Variants in AMPH observed in about 807,000 individuals in gnomAD.
AMPH encodes amphiphysin (Stiff-Mann syndrome with breast cancer 128kD autoantigen).
AMPH carries 49 observed loss-of-function variants against 99.1 expected under a neutral mutation model. The ratio of observed to expected loss-of-function variants is 0.49; its 90% CI spans 0.39 to 0.63. The LOEUF is 0.63. AMPH is among the 20% of genes least tolerant of loss of function. The pLI is 0.00. For synonymous variants in AMPH, 314 were observed against 317.3 expected (o/e 0.99, Z 0.11); for missense variants, 759 against 863.4 (o/e 0.88, Z 1.52).
At chr7:38,498,328 G>C (rs141923680) in intron 3 of AMPH, among the ~76,000 whole-genome samples, 189 of 152,250 alleles carry the variant, frequency 1.2e-3, no homozygotes, top group African/African-American at 4.3e-3. Flanking sequence ...CAAAGTAGTT[G>C]GCACAAGCAA....
At chr7:38,477,942 CT>C (rs1788147196) in intron 5 of AMPH, among the ~76,000 whole-genome samples, 1 of 152,074 alleles carries the variant, frequency 6.6e-6, no homozygotes, top group African/African-American at 2.4e-5. Context: ...GGCCCAAGAC[CT>C]GACTCCTACA....
At chr7:38,472,444 G>A (rs951929471) in intron 7 of AMPH, among the ~76,000 whole-genome samples, 1 of 152,078 alleles carries the variant, frequency 6.6e-6, no homozygotes, top group East Asian at 1.9e-4. Flanking sequence ...GGATTTACAA[G>A]CTTAACAACC....
chr7:38,587,949 T>TGTGTGCGC (rs931620644), intron 1 of AMPH, among the ~76,000 whole-genome samples: 12 of 146,086 alleles, frequency 8.2e-5, no homozygotes, highest in African/African-American at 3.1e-4. Context: ...TGTGTGTGTG[T>TGTGTGCGC]GCGCGTGTGT....
intron 1 of AMPH, among the ~76,000 whole-genome samples, chr7:38,605,431 A>G (rs539413596): frequency 6.6e-6 from 1 of 152,306 alleles, no homozygotes; most frequent in East Asian, 1.9e-4. Context: ...AGACTTCTGG[A>G]ACTTTCTAAG....
intron 20 of AMPH, among the ~76,000 whole-genome samples, chr7:38,388,529 T>C (rs1458448911): frequency 1.3e-5 from 2 of 152,120 alleles, no homozygotes; most frequent in Non-Finnish European, 2.9e-5. Context: ...TTAATGATCA[T>C]TATGAAATTT....
At chr7:38,517,169 T>C (rs1789778588) in intron 2 of AMPH, among the ~76,000 whole-genome samples, 1 of 152,128 alleles carries the variant, frequency 6.6e-6, no homozygotes, top group Non-Finnish European at 1.5e-5. Flanking sequence ...TATTTTAAAA[T>C]GTGAGAAGGA....
At chr7:38,416,105 A>ATATATATATATATATATATATATATAT (rs1491053338) in intron 17 of AMPH, among the ~76,000 whole-genome samples, 2 of 40,940 alleles carry the variant, frequency 4.9e-5, no homozygotes, top group Non-Finnish European at 5.2e-5. Context: ...ACATATGAAT[A>ATATATATATATATATATATATATATAT]TATATATATA....
intron 1 of AMPH, among the ~76,000 whole-genome samples, chr7:38,594,729 G>T (rs1792988765): frequency 6.6e-6 from 1 of 151,634 alleles, no homozygotes; most frequent in Non-Finnish European, 1.5e-5. Flanking sequence ...TACATGTATA[G>T]TTTAAAAAAA....
chr7:38,398,635 AG>A (rs1461560902), intron 17 of AMPH, among the ~76,000 whole-genome samples: 1 of 152,214 alleles, frequency 6.6e-6, no homozygotes, highest in Non-Finnish European at 1.5e-5. Context: ...TAACACAAAC[AG>A]GGTGACTACA....
intron 1 of AMPH, among the ~76,000 whole-genome samples, chr7:38,592,695 C>T (rs1265480343): frequency 6.7e-6 from 1 of 149,928 alleles, no homozygotes; most frequent in Non-Finnish European, 1.5e-5. Context: ...CATGCCACTG[C>T]ACTCCAGCCT....
At chr7:38,431,941 CTTGACCATTATTCAAATTA>C (rs1191736642) in intron 13 of AMPH, 6 of 547,662 alleles carry the variant, frequency 1.1e-5, no homozygotes, top group Non-Finnish European at 1.7e-5. Flanking sequence ...GGGCCAAACT[CTTGACCATTATTCAAATTA>C]TTGACCATTA....
Position 38,391,878 on chromosome 7 carries a change from T to G in AMPH, c.1748A>C (p.Glu583Ala), listed in dbSNP as rs1473134719. 6.2e-7 allele frequency: 1 copy of G among 1,612,740 alleles called. No individual in the cohort carries two copies. Among genetic ancestry groups the G allele is most frequent in the East Asian group, 2.2e-5 (1 of 44,852 alleles). ...GATAGGCTTCTGCTCCGTAGCCAGCTCCGGTGTCTCGCTGGTGGGGCCCGG... is the reference window on the plus strand; with the variant it reads ...GATAGGCTTCTGCTCCGTAGCCAGCGCCGGTGTCTCGCTGGTGGGGCCCGG... ...APPGPTSETPELATEQKPIQD... is the reference protein window; with the variant it reads ...APPGPTSETPALATEQKPIQD... The change falls in exon 19 of 21, where the codon GAG (glutamate) becomes GCG (alanine). Residue 583 changes from glutamate to alanine, a missense_variant. This residue lies in a region of AMPH where 554 missense variants were observed against 575.6 expected (regional missense o/e 0.96). Transcript: ENST00000356264.
intron 14 of AMPH, chr7:38,427,821 C>T (rs1464069835): frequency 2.2e-6 from 1 of 448,560 alleles, no homozygotes; most frequent in Non-Finnish European, 4.5e-6. Context: ...GTCTATGCTA[C>T]AGACCAGGGT....
intron 17 of AMPH, among the ~76,000 whole-genome samples, chr7:38,406,731 C>CTCTCTCTCTCTCTCTCTCTCTCTCT (rs1562732477): frequency 1.1e-4 from 9 of 80,582 alleles, no homozygotes; most frequent in East Asian, 8.3e-4. Context: ...TCTCCCTTTC[C>CTCTCTCTCTCTCTCTCTCTCTCTCT]CTCTCTCTCT....
intron 17 of AMPH, among the ~76,000 whole-genome samples, chr7:38,415,387 A>C (rs1398592022): frequency 6.6e-6 from 1 of 152,198 alleles, no homozygotes; most frequent in African/African-American, 2.4e-5. Context: ...ATGTCAACTC[A>C]ACGCTGACTG....
chr7:38,431,199 T>A (rs1481303563), intron 13 of AMPH, among the ~76,000 whole-genome samples: 1 of 152,202 alleles, frequency 6.6e-6, no homozygotes, highest in Non-Finnish European at 1.5e-5. Flanking sequence ...ACACATCAGA[T>A]TAGCTGAAAA....
rs1391621108 is a variant in AMPH at position 38,391,974 on chromosome 7, T to C, written c.1652A>G (p.His551Arg). The C allele has an allele frequency of 2.5e-6, 4 of 1,609,818 alleles. No homozygotes were observed. Among genetic ancestry groups the C allele is most frequent in the Admixed American group, 1.7e-5 (1 of 59,994 alleles). ...PSVVIEPASN[H>R]EEEGENEITI... is the part of the protein sequence containing the mutation. ...TATTTCGTTTTCTCCTTCCTCTTCA[T>C]GGTTGGAGGCAGGCTCTATGACCAC... Residue 551 changes from histidine (H) to arginine (R), a missense_variant, in exon 19 of 21, where the codon CAT becomes CGT. His to Arg is a conservative substitution (Grantham distance 29, BLOSUM62 0). Around this residue, in one of 2 missense-constraint regions of AMPH, gnomAD observed 554 missense variants for 575.6 expected, o/e 0.96. Transcript: ENST00000356264.
intron 1 of AMPH, among the ~76,000 whole-genome samples, chr7:38,576,369 C>G (rs892217279): frequency 6.6e-6 from 1 of 152,178 alleles, no homozygotes; most frequent in Non-Finnish European, 1.5e-5. Context: ...CTTCTCCACA[C>G]AACAGTCCTT....
intron 2 of AMPH, among the ~76,000 whole-genome samples, chr7:38,507,284 TAATA>T (rs374126728): frequency 1.3e-3 from 205 of 152,298 alleles, no homozygotes; most frequent in African/African-American, 4.7e-3. Flanking sequence ...AATAATTGCT[TAATA>T]AATGAGTTCA....
Sources: gnomAD v4.1 joint callset for allele counts (sites outside exome capture counted in the v4.1 genomes callset) on GRCh38, gnomAD v4.1.1 for gene constraint, gnomAD v4.1.1 regional missense constraint, MANE v1.5 for transcripts, NCBI Gene and HGNC (gene_info 2026-07-23, HGNC 2026-07-21) for gene names.